Variants in RNF214 observed in about 807,000 individuals in gnomAD.
RNF214 encodes the protein ring finger protein 214.
A neutral mutation model predicts 75.9 loss-of-function variants in RNF214; 25 were observed. That is an observed-to-expected ratio of 0.33 (90% CI 0.24 to 0.46). The LOEUF (loss-of-function observed/expected upper bound fraction) is 0.46, where lower values mean the gene tolerates loss of function less well. RNF214 is among the 20% of genes least tolerant of loss of function. RNF214 has a pLI of 1.00. For synonymous variants in RNF214, 314 were observed against 308.8 expected, an observed-to-expected ratio of 1.02 and a Z score of -0.18; for missense variants, 725 against 857.5, an observed-to-expected ratio of 0.85 and a Z score of 1.93.
chr11:117,236,156 T>G (rs1435735678), intron 2 of RNF214, among the ~76,000 whole-genome samples: 1 of 152,072 alleles, frequency 6.6e-6, no homozygotes, highest in African/African-American at 2.4e-5. Flanking sequence ...AGACCGGGTT[T>G]CACCATGTTG....
At position 117,244,595 on chromosome 11, in the gene RNF214, T is replaced by G. The variant is rs1380683135; in HGVS notation, c.819+10T>G. The G allele has an allele frequency of 6.3e-7, 1 of 1,590,144 alleles. No homozygotes were observed. Among genetic ancestry groups the G allele is most frequent in the Non-Finnish European group, 8.5e-7 (1 of 1,170,564 alleles). ...AATGAAGAATCACCAGGTATTTTGC[T>G]TATATTGAAATTGTCAATGAGTTAA... On this transcript the variant is annotated intron_variant, in intron 5 of 14. Transcript: ENST00000300650.
rs766627232 is a variant in RNF214 at position 117,238,805 on chromosome 11, G to A, written c.312G>A (p.Gly104=). The A allele has an allele frequency of 1.9e-6, 3 of 1,614,180 alleles. No individual in the cohort carries two copies. Among genetic ancestry groups the A allele is most frequent in the South Asian group, 2.2e-5 (2 of 91,086 alleles). The part of the protein sequence containing the change: ...IATALCLSGS[G]SQSDLKDVAS... Reference sequence around the variant, plus strand: ...CAGCCCTTTGTCTTTCTGGCAGTGGGTCTCAGTCTGATTTGAAGGATGTGG... The same window carrying A: ...CAGCCCTTTGTCTTTCTGGCAGTGGATCTCAGTCTGATTTGAAGGATGTGG... The change falls in exon 3 of 15, where the codon GGG becomes GGA. Residue 104 remains glycine (G), a synonymous_variant. Transcript: ENST00000300650.
At chr11:117,265,740 A>G (rs1415217557) in intron 6 of RNF214, among the ~76,000 whole-genome samples, 1 of 152,174 alleles carries the variant, frequency 6.6e-6, no homozygotes, top group East Asian at 1.9e-4. Context: ...TAAAAAATCA[A>G]CTTATTTGAG....
intron 6 of RNF214, among the ~76,000 whole-genome samples, chr11:117,269,920 C>G (rs948132383): frequency 6.6e-6 from 1 of 152,118 alleles, no homozygotes; most frequent in Non-Finnish European, 1.5e-5. Flanking sequence ...TGGGTTTATT[C>G]GGATGTAACC....
At chr11:117,274,360 T>TC (rs2033969402) in intron 6 of RNF214, among the ~76,000 whole-genome samples, 1 of 136,076 alleles carries the variant, frequency 7.3e-6, no homozygotes. Context: ...TGACTTCTTT[T>TC]TTTTTTTTTT....
chr11:117,244,509 G>C lies in RNF214; in HGVS notation c.743G>C (p.Arg248Thr). The change falls in exon 5 of 15, where the codon AGG becomes ACG. Residue 248 changes from arginine (R) to threonine (T), a missense_variant. Physicochemically the swap from Arg to Thr is moderately conservative, Grantham distance 71 (BLOSUM62 -1). Coordinates refer to ENST00000300650, the MANE Select transcript of RNF214 (RefSeq NM_207343.4). ...TACCAGGAGGTCCTGGACAAACAGA[G>C]GCAAGTGGAGAATCAGCTCCAAGTG... ...ERYQEVLDKQRQVENQLQVQL... is the reference protein window; with the variant it reads ...ERYQEVLDKQTQVENQLQVQL... 6.2e-7 allele frequency: 1 copy of C among 1,612,796 alleles called. No homozygotes were observed. The highest frequency in any genetic ancestry group is 8.5e-7 in the Non-Finnish European group (1 of 1,179,154).
Position 117,285,210 on chromosome 11 carries a change from A to G in RNF214, c.*59A>G. 1 of 1,147,298 alleles carries G rather than the reference A, an allele frequency of 8.7e-7. No individual in the cohort carries two copies. The highest frequency in any genetic ancestry group is 1.3e-6 in the Non-Finnish European group (1 of 756,560). The allele number at this position is 1,147,298 out of a possible 1,614,324, so 71.1% of individuals were successfully genotyped here. ...TGATGTGAACAGGAAGCGCGGGTTCAAGATTTCTAAAACTCTATATTTATA... is the reference window on the plus strand; with the variant it reads ...TGATGTGAACAGGAAGCGCGGGTTCGAGATTTCTAAAACTCTATATTTATA... On this transcript the variant is annotated 3_prime_UTR_variant, in exon 15 of 15. Coordinates refer to ENST00000300650, the MANE Select transcript of RNF214 (RefSeq NM_207343.4).
intron 6 of RNF214, among the ~76,000 whole-genome samples, chr11:117,275,344 G>A (rs1021038203): frequency 2.0e-5 from 3 of 151,256 alleles, no homozygotes; most frequent in Non-Finnish European, 2.9e-5. Context: ...CACACCTCAA[G>A]GAACTAAAAA....
chr11:117,243,975 G>A (rs1428735881), intron 4 of RNF214, among the ~76,000 whole-genome samples: 3 of 152,110 alleles, frequency 2.0e-5, no homozygotes, highest in Non-Finnish European at 2.9e-5. Context: ...AACCAGTAAG[G>A]AATCATGTTC....
At chr11:117,252,159 C>T (rs1192820196) in intron 6 of RNF214, among the ~76,000 whole-genome samples, 1 of 152,044 alleles carries the variant, frequency 6.6e-6, no homozygotes, top group African/African-American at 2.4e-5. Context: ...GTGAGCCATC[C>T]TGCCTGGCCT....
intron 6 of RNF214, among the ~76,000 whole-genome samples, chr11:117,267,812 A>T (rs2033828023): frequency 6.6e-6 from 1 of 152,132 alleles, no homozygotes; most frequent in Non-Finnish European, 1.5e-5. Flanking sequence ...TCCTTTCCCC[A>T]TTGAGGTACC....
intron 6 of RNF214, among the ~76,000 whole-genome samples, chr11:117,247,780 G>A (rs1323307033): frequency 6.6e-6 from 1 of 151,576 alleles, no homozygotes; most frequent in Non-Finnish European, 1.5e-5. Flanking sequence ...GAATCCAGGA[G>A]GCAGGAGGCG....
rs1463971952 is a variant in RNF214, at chr11:117,239,869, T to C, written c.678+9T>C. The stretch of plus-strand genomic sequence containing the variant: ...ATATTGAAAAGAATTTGGTAAGTAT[T>C]TAAACTGTCCTTGTTATATGAAGCC... On this transcript the variant is annotated intron_variant, in intron 4 of 14. Transcript: ENST00000300650. The C allele has an allele frequency of 7.0e-7, 1 of 1,424,454 alleles. No individual in the cohort carries two copies. Among genetic ancestry groups the C allele is most frequent in the South Asian group, 1.1e-5 (1 of 87,076 alleles). 88.2% of individuals were successfully genotyped at this position (1,424,454 alleles called of 1,614,324 possible).
chr11:117,267,851 C>T (rs903509420), intron 6 of RNF214, among the ~76,000 whole-genome samples: 5 of 152,094 alleles, frequency 3.3e-5, no homozygotes, highest in African/African-American at 9.7e-5. Flanking sequence ...CTAAAATGAC[C>T]ACTGTTGGGG....
intron 4 of RNF214, 70 bp downstream of exon 4, chr11:117,239,930 A>C: frequency 8.3e-6 from 7 of 845,610 alleles, no homozygotes; most frequent in Non-Finnish European, 1.2e-5. Flanking sequence ...ATATCATCTC[A>C]GTTGGAAAAG....
At chr11:117,264,250 G>A (rs957517493) in intron 6 of RNF214, among the ~76,000 whole-genome samples, 4 of 152,162 alleles carry the variant, frequency 2.6e-5, no homozygotes, top group African/African-American at 7.2e-5. Context: ...GTGAACCCGG[G>A]AGGCGGAGCT....
At chr11:117,271,147 G>A (rs1027012584) in intron 6 of RNF214, among the ~76,000 whole-genome samples, 2 of 152,122 alleles carry the variant, frequency 1.3e-5, no homozygotes, top group African/African-American at 4.8e-5. Context: ...TGATCCGCCT[G>A]CCTCAGCCTC....
chr11:117,273,733 T>G (rs2033955378), intron 6 of RNF214, among the ~76,000 whole-genome samples: 1 of 152,034 alleles, frequency 6.6e-6, no homozygotes, highest in Non-Finnish European at 1.5e-5. Flanking sequence ...TTAAGGGGAT[T>G]GTGGAAGGTA....
chr11:117,279,448 C>A (rs2134419098), intron 6 of RNF214, among the ~76,000 whole-genome samples: 1 of 151,122 alleles, frequency 6.6e-6, no homozygotes, highest in African/African-American at 2.4e-5. Flanking sequence ...TATCTTGCCT[C>A]ACCCTTCTGA....
Sources: gnomAD v4.1 joint callset for allele counts (sites outside exome capture counted in the v4.1 genomes callset) on GRCh38, gnomAD v4.1.1 for gene constraint, MANE v1.5 for transcripts, NCBI Gene and HGNC (gene_info 2026-07-23, HGNC 2026-07-21) for gene names.